Variants in TGFBR3 observed in about 807,000 individuals in gnomAD.
TGFBR3 encodes transforming growth factor beta receptor type 3.
TGFBR3 carries 46 observed loss-of-function variants against 87.9 expected under a neutral mutation model. The observed-to-expected ratio is 0.52, with a 90% confidence interval of 0.41 to 0.67. TGFBR3 has a LOEUF of 0.67. Ranked by LOEUF, TGFBR3 falls within the 30% of genes least tolerant of loss-of-function variation. TGFBR3 has a pLI of 0.00. For missense variants in TGFBR3, 866 were observed against 1,041.9 expected, an observed-to-expected ratio of 0.83 and a Z score of 2.32; for synonymous variants, 381 against 391.6, an observed-to-expected ratio of 0.97 and a Z score of 0.32.
At chr1:91,772,710 A>C (rs998916508) in intron 3 of TGFBR3, among the ~76,000 whole-genome samples, 3 of 152,096 alleles carry the variant, frequency 2.0e-5, no homozygotes, top group Non-Finnish European at 4.4e-5. Flanking sequence ...CTATCCCTCT[A>C]CTTTATCATC....
intron 3 of TGFBR3, among the ~76,000 whole-genome samples, chr1:91,787,316 A>G (rs80137433): frequency 4.3e-5 from 6 of 139,802 alleles, no homozygotes; most frequent in Admixed American, 7.1e-5. Flanking sequence ...AGTAATAATT[A>G]AAAAAAAAAA....
intron 3 of TGFBR3, among the ~76,000 whole-genome samples, chr1:91,770,625 T>C (rs1048090923): frequency 6.6e-6 from 1 of 152,222 alleles, no homozygotes; most frequent in African/African-American, 2.4e-5. Flanking sequence ...TTGGTCTACC[T>C]GAGTAATCTT....
At chr1:91,695,345 T>G (rs1250345517) in intron 16 of TGFBR3, 2 of 360,872 alleles carry the variant, frequency 5.5e-6, no homozygotes, top group Non-Finnish European at 1.1e-5. Flanking sequence ...TGCCTATCCT[T>G]AAGTCTTTGG....
chr1:91,711,337 A>G (rs1038036440), intron 13 of TGFBR3, among the ~76,000 whole-genome samples: 3 of 152,222 alleles, frequency 2.0e-5, no homozygotes, highest in African/African-American at 4.8e-5. Flanking sequence ...ATAATGATGC[A>G]AGGAATTCAG....
intron 2 of TGFBR3, among the ~76,000 whole-genome samples, chr1:91,898,612 T>G (rs549885621): frequency 2.6e-5 from 4 of 152,138 alleles, no homozygotes; most frequent in Admixed American, 6.5e-5. Flanking sequence ...AATTTTTTTT[T>G]TATTTTTAGT....
At chr1:91,697,466 G>A (rs1453733724) in intron 15 of TGFBR3, among the ~76,000 whole-genome samples, 1 of 152,198 alleles carries the variant, frequency 6.6e-6, no homozygotes, top group Non-Finnish European at 1.5e-5. Context: ...GGACAGCTGG[G>A]AAGTCCAGGT....
intron 3 of TGFBR3, among the ~76,000 whole-genome samples, chr1:91,764,515 C>T (rs1192393337): frequency 6.6e-6 from 1 of 151,814 alleles, no homozygotes; most frequent in Non-Finnish European, 1.5e-5. Context: ...TCCTGGGAGC[C>T]GTTGCAAGGA....
intron 1 of TGFBR3, among the ~76,000 whole-genome samples, chr1:91,881,778 GC>G (rs1679085337): frequency 6.6e-6 from 1 of 152,150 alleles, no homozygotes; most frequent in South Asian, 2.1e-4. Context: ...AGTCGCTCAC[GC>G]CTATAATCCC....
intron 3 of TGFBR3, among the ~76,000 whole-genome samples, chr1:91,782,811 T>C (rs1674823180): frequency 6.6e-6 from 1 of 152,110 alleles, no homozygotes; most frequent in African/African-American, 2.4e-5. Flanking sequence ...CCAAGGCACC[T>C]CGGTATGTGC....
At chr1:91,905,685 C>G (rs1679831310) in intron 1 of TGFBR3, 1 of 152,154 alleles carries the variant, frequency 6.6e-6, no homozygotes, top group African/African-American at 2.4e-5. Context: ...CGCGAGCCAC[C>G]GCGCCTGGCC....
At chr1:91,758,163 T>C (rs184349319) in intron 4 of TGFBR3, among the ~76,000 whole-genome samples, 89 of 152,314 alleles carry the variant, frequency 5.8e-4, no homozygotes, top group Non-Finnish European at 9.7e-4. Flanking sequence ...TGGAGCTCAC[T>C]GTGTCACTTT....
chr1:91,787,521 G>A lies in TGFBR3; in HGVS notation c.246+9766C>T, dbSNP rs530896921. 1.2e-4 allele frequency among the ~76,000 whole-genome samples: 19 copies of A among 152,230 alleles called. No homozygotes were observed. The South Asian group carries it at 2.7e-3, about 22-fold the overall frequency. On this transcript the variant is annotated intron_variant, in intron 3 of 16. Coordinates refer to ENST00000212355, the MANE Select transcript of TGFBR3 (RefSeq NM_003243.5). Reference sequence around the variant, plus strand: ...CAGCTCAAGATGGGACCCAAGAGCCGGGATGCTTCAGCCATCTGACTGTAG... The same window carrying A: ...CAGCTCAAGATGGGACCCAAGAGCCAGGATGCTTCAGCCATCTGACTGTAG...
rs144076361 is a variant in TGFBR3 at position 91,871,147 on chromosome 1, T to C, written c.-113-9503A>G. ...CTAATTCCACGCCCATGCTCTTAAC[T>C]ACTACAAACAAGAGATCCTCCAGAA... On this transcript the variant is annotated intron_variant, in intron 1 of 16. Transcript: ENST00000212355. Among the ~76,000 whole-genome samples the C allele has an allele frequency of 4.0e-3, 603 of 152,132 alleles. 2 individuals are homozygous for C. Among genetic ancestry groups the C allele is most frequent in the African/African-American group, 0.013 (554 of 41,488 alleles).
chr1:91,811,705 T>C (rs1177227863), intron 2 of TGFBR3, among the ~76,000 whole-genome samples: 1 of 152,198 alleles, frequency 6.6e-6, no homozygotes, highest in African/African-American at 2.4e-5. Flanking sequence ...ACTATTATTG[T>C]TTAATAAACT....
At position 91,719,312 on chromosome 1, in the gene TGFBR3, G is replaced by A. The variant is rs183096494; in HGVS notation, c.1566C>T (p.Ser522=). The change falls in exon 10 of 17, where the codon TCC becomes TCT. Residue 522 remains serine (S), a splice_region_variant and synonymous_variant. Transcript: ENST00000212355. ...SALDGVVYYN[S]IVIQVPALGD... is the part of the protein sequence containing the mutation. ...AAGCTTTGTTCTGGAAAACACTCAC[G>A]GAGTTATAGTAGACCACACCATCAA... 21 of 1,614,148 alleles carry A rather than the reference G, an allele frequency of 1.3e-5. No homozygotes were observed. The highest frequency in any genetic ancestry group is 4.5e-5 in the East Asian group (2 of 44,870).
intron 3 of TGFBR3, among the ~76,000 whole-genome samples, chr1:91,781,766 T>C (rs1050128109): frequency 1.3e-5 from 2 of 152,138 alleles, no homozygotes; most frequent in Non-Finnish European, 2.9e-5. Context: ...TGCTGATCTC[T>C]AATAAACATA....
At chr1:91,737,193 T>C (rs1298513334) in intron 4 of TGFBR3, among the ~76,000 whole-genome samples, 1 of 152,028 alleles carries the variant, frequency 6.6e-6, no homozygotes, top group African/African-American at 2.4e-5. Flanking sequence ...TCAGGCACAT[T>C]CCAATAAGAA....
intron 16 of TGFBR3, among the ~76,000 whole-genome samples, chr1:91,692,039 T>G (rs1671285410): frequency 6.6e-6 from 1 of 151,780 alleles, no homozygotes; most frequent in Admixed American, 6.6e-5. Context: ...ATTAAGCTAA[T>G]GGGGTAGGGT....
chr1:91,848,085 C>T (rs1393018782), intron 2 of TGFBR3, among the ~76,000 whole-genome samples: 1 of 152,182 alleles, frequency 6.6e-6, no homozygotes, highest in Non-Finnish European at 1.5e-5. Flanking sequence ...AACCAACTTC[C>T]TCTCCAGCAC....
Sources: allele counts gnomAD v4.1 joint callset (sites outside exome capture counted in the v4.1 genomes callset), GRCh38; gene constraint gnomAD v4.1.1; transcripts MANE v1.5; gene names NCBI Gene and HGNC (gene_info 2026-07-23, HGNC 2026-07-21).